OSBP: variants seen among roughly 807,000 people sequenced by gnomAD.
The protein encoded by OSBP is oxysterol binding protein, also known as oxysterol-binding protein 1.
A neutral mutation model predicts 96.6 loss-of-function variants in OSBP; 32 were observed. That is an observed-to-expected ratio of 0.33 (90% confidence interval 0.25 to 0.45). The LOEUF (loss-of-function observed/expected upper bound fraction) is 0.45, where lower values mean the gene tolerates loss of function less well. OSBP is among the 20% of genes least tolerant of loss of function. The probability of loss-of-function intolerance (pLI) is 1.00; values close to 1 mark genes in which losing one functional copy is unlikely to be tolerated. For missense variants in OSBP, 653 were observed against 1,029.7 expected, an observed-to-expected ratio of 0.63 and a Z score of 5.01; for synonymous variants, 369 against 389.6, an observed-to-expected ratio of 0.95 and a Z score of 0.62.
chr11:59,585,270 G>A lies in OSBP; in HGVS notation c.1679-3716C>T, dbSNP rs558702781. The stretch of plus-strand genomic sequence containing the variant: ...AGCCGCCCATCGTCTGAGATGTGGG[G>A]ACCGCCTCTGCCCTGCCGCCCCGGC... On this transcript the variant is annotated intron_variant, in intron 9 of 13. Coordinates refer to ENST00000263847, the MANE Select transcript of OSBP (RefSeq NM_002556.3). Among the ~76,000 whole-genome samples, 28 of 150,728 alleles carry A rather than the reference G, an allele frequency of 1.9e-4. No homozygotes were observed. In the South Asian group the frequency reaches 5.7e-3, roughly 31 times the overall value.
intron 9 of OSBP, among the ~76,000 whole-genome samples, chr11:59,583,011 T>C (rs1035695893): frequency 1.3e-5 from 2 of 152,140 alleles, no homozygotes; most frequent in Admixed American, 1.3e-4. Context: ...GATATATAGT[T>C]AATAATACTC....
intron 1 of OSBP, among the ~76,000 whole-genome samples, chr11:59,614,522 A>G (rs1860896626): frequency 6.6e-6 from 1 of 152,268 alleles, no homozygotes; most frequent in African/African-American, 2.4e-5. Flanking sequence ...TAAACAGTCC[A>G]AAATAAACCT....
chr11:59,600,946 C>A (rs1406128043), intron 5 of OSBP, 73 bp from the exon 6 acceptor site: 14 of 1,311,524 alleles, frequency 1.1e-5, no homozygotes, highest in South Asian at 4.7e-5. Flanking sequence ...CATTTCTTTA[C>A]AAAGCAGAAT....
chr11:59,578,441 C>T lies in OSBP; in HGVS notation c.1879-111G>A, dbSNP rs142270958. The T allele has an allele frequency of 1.0e-3, 1,020 of 1,018,868 alleles. 9 individuals are homozygous for T. The African/African-American group carries it at 0.015, about 15-fold the overall frequency. 63.1% of individuals were successfully genotyped at this position (1,018,868 alleles called of 1,614,324 possible). A position where few individuals can be genotyped will look rare whatever the true frequency, so the allele number is the denominator to read the frequency against. On this transcript the variant is annotated intron_variant, in intron 11 of 13. Coordinates refer to ENST00000263847, the MANE Select transcript of OSBP (RefSeq NM_002556.3). ...AATGGTTAGGTCCTGTTATAACAAA[C>T]ACCAGAGAGTCATCCAAATTATTAT...
intron 1 of OSBP, among the ~76,000 whole-genome samples, chr11:59,612,400 CAAGTA>C (rs895045003): frequency 1.5e-4 from 23 of 152,330 alleles, no homozygotes; most frequent in African/African-American, 5.3e-4. Flanking sequence ...TTTTCTACTC[CAAGTA>C]TACTACTTGG....
chr11:59,598,733 G>C (rs1472570617), intron 7 of OSBP, among the ~76,000 whole-genome samples: 1 of 152,116 alleles, frequency 6.6e-6, no homozygotes. Flanking sequence ...GGGACTAGAG[G>C]TGTGCACCAC....
intron 3 of OSBP, among the ~76,000 whole-genome samples, chr11:59,607,490 A>G (rs1860794698): frequency 6.6e-6 from 1 of 152,200 alleles, no homozygotes; most frequent in Non-Finnish European, 1.5e-5. Context: ...TAAGTAAGAA[A>G]GGGGTTAAAT....
intron 7 of OSBP, among the ~76,000 whole-genome samples, chr11:59,596,074 C>G (rs933406772): frequency 6.6e-6 from 1 of 151,966 alleles, no homozygotes; most frequent in Non-Finnish European, 1.5e-5. Flanking sequence ...CCAGTGAACA[C>G]AGAGCCACAG....
At chr11:59,588,996 C>A (rs1860539653) in intron 9 of OSBP, among the ~76,000 whole-genome samples, 1 of 151,566 alleles carries the variant, frequency 6.6e-6, no homozygotes, top group African/African-American at 2.4e-5. Flanking sequence ...CAGAGCGAGA[C>A]TCCGTCTGAA....
At position 59,576,212 on chromosome 11, in the gene OSBP, G is replaced by C; in HGVS notation, c.*365C>G. On this transcript the variant is annotated 3_prime_UTR_variant, in exon 14 of 14. Coordinates refer to ENST00000263847, the MANE Select transcript of OSBP (RefSeq NM_002556.3). The stretch of plus-strand genomic sequence containing the variant: ...TGCCCCTGAATCATAATCTTAGGCA[G>C]ATCTTGGCTGAGCAGGATACTACAA... 5.4e-6 allele frequency: 1 copy of C among 185,980 alleles called. No individual in the cohort carries two copies. Among genetic ancestry groups the C allele is most frequent in the East Asian group, 1.5e-4 (1 of 6,718 alleles). The allele number at this position is 185,980 out of a possible 1,614,324, so 11.5% of individuals were successfully genotyped here.
At chr11:59,587,223 G>C (rs1458212214) in intron 9 of OSBP, among the ~76,000 whole-genome samples, 1 of 152,124 alleles carries the variant, frequency 6.6e-6, no homozygotes, top group Admixed American at 6.6e-5. Context: ...AAAGGAGGCT[G>C]GGTACGGCAG....
At chr11:59,606,600 T>TG in intron 3 of OSBP, among the ~76,000 whole-genome samples, 1 of 152,286 alleles carries the variant, frequency 6.6e-6, no homozygotes. Context: ...ACTTGGGCAA[T>TG]GGGATAATTA....
In OSBP at chr11:59,601,821, G is replaced by C. The variant is rs769426479; in HGVS notation, c.840C>G (p.Leu280=). 2 of 1,614,168 alleles carry C rather than the reference G, an allele frequency of 1.2e-6. No individual in the cohort carries two copies. Among genetic ancestry groups the C allele is most frequent in the East Asian group, 4.5e-5 (2 of 44,884 alleles). ...TTTTACTATGGGTCTGGGCTAACAT[G>C]AGGAAATCTCTGCAGGCCTGTATGG... ...NAMINACRDF[L]MLAQTHSKKW... The change falls in exon 4 of 14, where the codon CTC becomes CTG. Residue 280 remains leucine (L), a synonymous_variant. Transcript: ENST00000263847.
rs544293661 is a variant in OSBP, at chr11:59,596,808, A to G, written c.1312-2553T>C. Among the ~76,000 whole-genome samples the G allele has an allele frequency of 1.1e-3, 160 of 152,312 alleles. 1 individual carries two copies. Among genetic ancestry groups the G allele is most frequent in the African/African-American group, 3.6e-3 (149 of 41,580 alleles). ...GCACCACTCAAGAGGGCATAGAGGG[A>G]GAGACTTCCCACGGCTATAACCTCC... is the stretch of plus-strand genomic sequence containing the variant. On this transcript the variant is annotated intron_variant, in intron 7 of 13. Coordinates refer to ENST00000263847, the MANE Select transcript of OSBP (RefSeq NM_002556.3).
chr11:59,614,389 T>C (rs76366183), intron 1 of OSBP, among the ~76,000 whole-genome samples: 3,466 of 152,280 alleles, frequency 0.023, 128 homozygotes, highest in African/African-American at 0.08. Context: ...CCTAGACACA[T>C]TGTCCAGCCC....
chr11:59,607,962 G>A (rs559174413), intron 3 of OSBP, among the ~76,000 whole-genome samples: 65 of 152,196 alleles, frequency 4.3e-4, no homozygotes, highest in African/African-American at 1.5e-3. Context: ...GTACTATAAG[G>A]TTCTCACTAG....
At chr11:59,589,484 C>T (rs758962558) in intron 9 of OSBP, among the ~76,000 whole-genome samples, 1 of 151,206 alleles carries the variant, frequency 6.6e-6, no homozygotes, top group Non-Finnish European at 1.5e-5. Flanking sequence ...ACCTGTAATC[C>T]CACCTACTTG....
intron 3 of OSBP, among the ~76,000 whole-genome samples, chr11:59,605,173 T>C (rs562032248): frequency 9.2e-5 from 14 of 151,954 alleles, no homozygotes; most frequent in Non-Finnish European, 1.9e-4. Flanking sequence ...AAAAAAATTA[T>C]GACTGCATCC....
intron 9 of OSBP, among the ~76,000 whole-genome samples, chr11:59,589,756 G>A (rs1860554137): frequency 6.6e-6 from 1 of 151,834 alleles, no homozygotes; most frequent in Non-Finnish European, 1.5e-5. Context: ...AGGCCAAGGT[G>A]GGCGGATCAT....
Sources: gnomAD v4.1 joint callset for allele counts (sites outside exome capture counted in the v4.1 genomes callset) on GRCh38, gnomAD v4.1.1 for gene constraint, MANE v1.5 for transcripts, NCBI Gene and HGNC (gene_info 2026-07-23, HGNC 2026-07-21) for gene names.